Variants in UBE2E2 observed in about 807,000 individuals in gnomAD.
UBE2E2 encodes the protein ubiquitin conjugating enzyme E2 E2.
In UBE2E2, 6 loss-of-function variants were observed where a neutral mutation model predicts 24.7. The observed-to-expected ratio is 0.24, with a 90% CI of 0.13 to 0.48. The LOEUF (loss-of-function observed/expected upper bound fraction) is 0.48, where lower values mean the gene tolerates loss of function less well. Among genes scored for constraint, UBE2E2 ranks in the 20% least tolerant of loss-of-function variants. The probability of loss-of-function intolerance (pLI) is 0.99; values close to 1 mark genes in which losing one functional copy is unlikely to be tolerated. For synonymous variants in UBE2E2, 104 were observed against 83.6 expected (o/e 1.24, Z -1.33); for missense variants, 169 against 245.0 (o/e 0.69, Z 2.07).
At position 23,568,523 on chromosome 3, in the gene UBE2E2, A is replaced by G. The variant is rs75987601; in HGVS notation, c.509-21211A>G. On this transcript the variant is annotated intron_variant, in intron 5 of 5. Transcript: ENST00000396703. The stretch of plus-strand genomic sequence containing the variant: ...CCAGAGAACATCAGAAAAATACTCC[A>G]TTTAAAGAGAATTTATTTTCTCTGG... Among the ~76,000 whole-genome samples the G allele has an allele frequency of 5.1e-3, 769 of 151,324 alleles. 8 individuals carry two copies. Among genetic ancestry groups the G allele is most frequent in the African/African-American group, 0.017 (718 of 41,280 alleles).
intron 3 of UBE2E2, among the ~76,000 whole-genome samples, chr3:23,347,322 G>C (rs989471283): frequency 3.9e-5 from 6 of 152,174 alleles, no homozygotes; most frequent in Non-Finnish European, 7.3e-5. Context: ...ATCAATAATA[G>C]ACTGAATTAA....
intron 3 of UBE2E2, among the ~76,000 whole-genome samples, chr3:23,372,894 C>G (rs1483847473): frequency 6.6e-6 from 1 of 152,168 alleles, no homozygotes; most frequent in Non-Finnish European, 1.5e-5. Context: ...ACCAGAAGTA[C>G]TTCTTTTGTC....
At chr3:23,329,788 A>C (rs1256921260) in intron 3 of UBE2E2, among the ~76,000 whole-genome samples, 1 of 152,200 alleles carries the variant, frequency 6.6e-6, no homozygotes, top group East Asian at 1.9e-4. Context: ...GGAAACAAGG[A>C]ATTTCCCAGG....
At chr3:23,283,488 A>G (rs2125373169) in intron 3 of UBE2E2, among the ~76,000 whole-genome samples, 1 of 152,284 alleles carries the variant, frequency 6.6e-6, no homozygotes, top group South Asian at 2.1e-4. Flanking sequence ...TAATCCCAGC[A>G]CTTTGGGAGG....
At chr3:23,333,015 G>C (rs1367636748) in intron 3 of UBE2E2, among the ~76,000 whole-genome samples, 1 of 152,134 alleles carries the variant, frequency 6.6e-6, no homozygotes, top group African/African-American at 2.4e-5. Context: ...AAATTACTAG[G>C]AAAAGTATGA....
At chr3:23,493,034 C>T (rs1699531831) in intron 3 of UBE2E2, among the ~76,000 whole-genome samples, 1 of 151,984 alleles carries the variant, frequency 6.6e-6, no homozygotes, top group African/African-American at 2.4e-5. Context: ...TCTCATTTTA[C>T]TTAAGAAGGG....
At chr3:23,324,864 T>C (rs1191166050) in intron 3 of UBE2E2, among the ~76,000 whole-genome samples, 1 of 152,082 alleles carries the variant, frequency 6.6e-6, no homozygotes, top group East Asian at 1.9e-4. Context: ...AAATAGTGTG[T>C]TATATAATGA....
rs3087043 is a variant in UBE2E2, at chr3:23,400,607, A to AACACACACACACAC, written c.228-98979_228-98966dup. ...GGTGGACAGAGAGGAGAATAAATGA[A>AACACACACACACAC]ACACACACACACACACACACACACA... On this transcript the variant is annotated intron_variant, in intron 3 of 5. Coordinates refer to ENST00000396703, the MANE Select transcript of UBE2E2 (RefSeq NM_152653.4). Among the ~76,000 whole-genome samples, 692 of 137,820 alleles carry AACACACACACACAC rather than the reference A, an allele frequency of 5.0e-3. 5 individuals are homozygous for AACACACACACACAC. The highest frequency in any genetic ancestry group is 0.03 in the South Asian group (133 of 4,376). 90.4% of individuals were successfully genotyped at this position (137,820 alleles called of 152,430 possible). A position where few individuals can be genotyped will look rare whatever the true frequency, so the allele number is the denominator to read the frequency against.
intron 3 of UBE2E2, among the ~76,000 whole-genome samples, chr3:23,267,735 T>A (rs866978549): frequency 1.1e-4 from 16 of 151,858 alleles, no homozygotes; most frequent in African/African-American, 3.9e-4. Flanking sequence ...TACCAAAGCC[T>A]GGCAGAGACA....
intron 4 of UBE2E2, among the ~76,000 whole-genome samples, chr3:23,525,503 A>G (rs1175665563): frequency 6.6e-6 from 1 of 152,200 alleles, no homozygotes; most frequent in Non-Finnish European, 1.5e-5. Context: ...TTTTATGGAA[A>G]ATGTTCCAAA....
At chr3:23,586,840 T>C (rs762538559) in intron 5 of UBE2E2, among the ~76,000 whole-genome samples, 9 of 152,154 alleles carry the variant, frequency 5.9e-5, no homozygotes, top group Non-Finnish European at 1.0e-4. Context: ...AAAAGTTATT[T>C]ACCATATCGG....
intron 2 of UBE2E2, among the ~76,000 whole-genome samples, chr3:23,214,345 C>T (rs1488980973): frequency 6.6e-6 from 1 of 151,976 alleles, no homozygotes; most frequent in Admixed American, 6.6e-5. Context: ...CCTCAAATTC[C>T]TGGGCTCAAG....
intron 3 of UBE2E2, among the ~76,000 whole-genome samples, chr3:23,448,599 A>G (rs1360783786): frequency 3.9e-5 from 6 of 152,136 alleles, no homozygotes; most frequent in Non-Finnish European, 8.8e-5. Flanking sequence ...GGATCTAGAT[A>G]TTTTCTATTT....
chr3:23,564,255 C>T (rs1251236482), intron 5 of UBE2E2, among the ~76,000 whole-genome samples: 1 of 151,952 alleles, frequency 6.6e-6, no homozygotes, highest in Non-Finnish European at 1.5e-5. Flanking sequence ...TGGACATATG[C>T]ATGATCAATA....
At chr3:23,565,867 A>G (rs563106624) in intron 5 of UBE2E2, among the ~76,000 whole-genome samples, 2 of 152,216 alleles carry the variant, frequency 1.3e-5, no homozygotes, top group African/African-American at 2.4e-5. Flanking sequence ...TTGTGCTTTA[A>G]GAACCTCCGT....
chr3:23,336,637 G>A (rs557692215), intron 3 of UBE2E2, among the ~76,000 whole-genome samples: 3 of 152,286 alleles, frequency 2.0e-5, no homozygotes, highest in South Asian at 2.1e-4. Flanking sequence ...GCAGGCTAAC[G>A]TAGATATTGC....
Position 23,449,689 on chromosome 3 carries a change from G to A in UBE2E2, c.228-49919G>A, listed in dbSNP as rs112055027. Among the ~76,000 whole-genome samples, 808 of 152,186 alleles carry A rather than the reference G, an allele frequency of 5.3e-3. 6 individuals carry two copies. Among genetic ancestry groups the A allele is most frequent in the African/African-American group, 0.019 (772 of 41,538 alleles). On this transcript the variant is annotated intron_variant, in intron 3 of 5. Coordinates refer to ENST00000396703, the MANE Select transcript of UBE2E2 (RefSeq NM_152653.4). ...AGGTGATTTTTTCCTAGGGGACTCA[G>A]GGGCAGACAGAATCAATCACACATC...
chr3:23,341,962 ACT>A (rs1452149242), intron 3 of UBE2E2, among the ~76,000 whole-genome samples: 1 of 152,168 alleles, frequency 6.6e-6, no homozygotes, highest in Non-Finnish European at 1.5e-5. Flanking sequence ...ATATAACAAA[ACT>A]AATAATTGAT....
At chr3:23,307,096 A>C (rs1000069668) in intron 3 of UBE2E2, among the ~76,000 whole-genome samples, 1 of 152,198 alleles carries the variant, frequency 6.6e-6, no homozygotes, top group Admixed American at 6.6e-5. Context: ...AAATGTAAAG[A>C]GTATGCTAAC....
Sources: gnomAD v4.1 joint callset for allele counts (sites outside exome capture counted in the v4.1 genomes callset) on GRCh38, gnomAD v4.1.1 for gene constraint, MANE v1.5 for transcripts, NCBI Gene and HGNC (gene_info 2026-07-23, HGNC 2026-07-21) for gene names.